SRRM3: variants seen among roughly 807,000 people sequenced by gnomAD.
The protein encoded by SRRM3 is serine/arginine repetitive matrix 3, also known as serine/arginine repetitive matrix protein 3.
Under a neutral mutation model 66.2 loss-of-function variants are expected in SRRM3, and 27 were observed. The observed-to-expected ratio is 0.41, with a 90% CI of 0.30 to 0.56. SRRM3 has a LOEUF of 0.56. Among genes scored for constraint, SRRM3 ranks in the 20% least tolerant of loss-of-function variants. SRRM3 has a pLI of 0.32. For missense variants in SRRM3, 918 were observed against 991.9 expected, an observed-to-expected ratio of 0.93 and a Z score of 1.00; for synonymous variants, 391 against 414.9, an observed-to-expected ratio of 0.94 and a Z score of 0.70.
At chr7:76,267,461 G>T in intron 11 of SRRM3, 26 bp downstream of exon 11, 1 of 1,326,742 alleles carries the variant, frequency 7.5e-7, no homozygotes, top group Non-Finnish European at 9.6e-7. Context: ...TTTGCGGAGG[G>T]TTCCCGCGCC....
chr7:76,249,669 G>A (rs969665383), intron 3 of SRRM3, among the ~76,000 whole-genome samples: 7 of 152,202 alleles, frequency 4.6e-5, no homozygotes, highest in South Asian at 2.1e-4. Flanking sequence ...CTCAGGGAGC[G>A]TTGCTGAATC....
At chr7:76,257,651 T>G (rs1384809320) in intron 3 of SRRM3, among the ~76,000 whole-genome samples, 2 of 151,698 alleles carry the variant, frequency 1.3e-5, no homozygotes, top group African/African-American at 4.8e-5. Context: ...TGTGCTCCTG[T>G]AGTCCCAGCT....
intron 14 of SRRM3, among the ~76,000 whole-genome samples, chr7:76,284,938 A>G (rs2117126947): frequency 6.6e-6 from 1 of 152,308 alleles, no homozygotes; most frequent in South Asian, 2.1e-4. Flanking sequence ...AGTGACCTGA[A>G]AGCAACAAAT....
chr7:76,272,545 G>A (rs1364594255), intron 11 of SRRM3, among the ~76,000 whole-genome samples: 10 of 152,186 alleles, frequency 6.6e-5, no homozygotes, highest in South Asian at 2.1e-4. Context: ...CCAGCTACTC[G>A]GGAGGCTGAG....
intron 3 of SRRM3, among the ~76,000 whole-genome samples, chr7:76,256,994 G>C (rs569400202): frequency 6.6e-6 from 1 of 152,172 alleles, no homozygotes; most frequent in Non-Finnish European, 1.5e-5. Context: ...ACAGGCGTGA[G>C]CCACCCGCCA....
chr7:76,261,470 C>T, intron 7 of SRRM3, 56 bp downstream of exon 7: 2 of 1,598,894 alleles, frequency 1.3e-6, no homozygotes, highest in Non-Finnish European at 8.5e-7. Context: ...GGCCCAGGGC[C>T]AGGGCTGTGG....
At chr7:76,238,016 T>C (rs1443216850) in intron 2 of SRRM3, among the ~76,000 whole-genome samples, 2 of 151,846 alleles carry the variant, frequency 1.3e-5, no homozygotes, top group Non-Finnish European at 2.9e-5. Context: ...AAGCTCTCAC[T>C]TGAGGTGGTC....
intron 8 of SRRM3, among the ~76,000 whole-genome samples, chr7:76,263,875 G>GCCAAA (rs1243393227): frequency 0.017 from 444 of 26,738 alleles, 40 homozygotes; most frequent in African/African-American, 0.03. Flanking sequence ...TCTGTCTCAA[G>GCCAAA]ACAAAAAAAA....
At chr7:76,257,002 C>T (rs2117047956) in intron 3 of SRRM3, among the ~76,000 whole-genome samples, 1 of 152,204 alleles carries the variant, frequency 6.6e-6, no homozygotes, top group African/African-American at 2.4e-5. Flanking sequence ...GAGCCACCCG[C>T]CAGGCCCTTG....
intron 14 of SRRM3, 115 bp downstream of exon 14, chr7:76,283,216 G>A: frequency 1.8e-6 from 2 of 1,125,024 alleles, no homozygotes; most frequent in Non-Finnish European, 2.3e-6. Flanking sequence ...CTGGCACGGG[G>A]ATGGGGGGGG....
intron 1 of SRRM3, among the ~76,000 whole-genome samples, chr7:76,221,360 T>C (rs868911824): frequency 5.6e-4 from 40 of 71,558 alleles, no homozygotes; most frequent in Admixed American, 2.6e-3. Flanking sequence ...TGCCCTCCTC[T>C]TTTTTTTTTT....
chr7:76,207,256 T>A (rs1049657644), intron 1 of SRRM3, among the ~76,000 whole-genome samples: 1 of 151,670 alleles, frequency 6.6e-6, no homozygotes, highest in Non-Finnish European at 1.5e-5. Flanking sequence ...GAACTATAAT[T>A]GCACAACTAC....
chr7:76,215,482 G>A (rs10952868), intron 1 of SRRM3, among the ~76,000 whole-genome samples: 40,500 of 144,564 alleles, frequency 0.28, 7,029 homozygotes, highest in Non-Finnish European at 0.39. Flanking sequence ...GCTTACTACA[G>A]CCTCAACCTT....
intron 14 of SRRM3, among the ~76,000 whole-genome samples, 157 bp downstream of exon 14, chr7:76,283,258 G>A (rs868984852): frequency 5.3e-5 from 8 of 151,992 alleles, no homozygotes; most frequent in African/African-American, 1.9e-4. Flanking sequence ...GTTCTGCCAG[G>A]GTAGGGGGCC....
In SRRM3 at chr7:76,282,810, C is replaced by A; in HGVS notation, c.1533C>A (p.Arg511=). The A allele has an allele frequency of 6.8e-7, 1 of 1,466,078 alleles. No individual in the cohort carries two copies. The highest frequency in any genetic ancestry group is 2.4e-5 in the Admixed American group (1 of 41,310). 90.8% of individuals were successfully genotyped at this position (1,466,078 alleles called of 1,614,324 possible). Residue 511 remains arginine (R), a synonymous_variant, in exon 13 of 15, where the codon CGC becomes CGA. Coordinates refer to ENST00000611745, the MANE Select transcript of SRRM3 (RefSeq NM_001110199.3). ...GCTCGCCCTCCAAATCTCGCTCGCG[C>A]TCTGCGGAGAAGCGGCCCCACAGCC... ...SSRSPSKSRS[R]SAEKRPHSPS... is the part of the protein sequence containing the mutation.
intron 14 of SRRM3, among the ~76,000 whole-genome samples, chr7:76,284,230 A>G (rs60311784): frequency 0.013 from 1,952 of 149,608 alleles, 43 homozygotes; most frequent in African/African-American, 0.046. Flanking sequence ...GCTGGAGTGC[A>G]ATGGTGCAAT....
rs1318025405 is a variant in SRRM3 at position 76,235,399 on chromosome 7, G to T, written c.233+100G>T. The T allele has an allele frequency of 1.0e-5, 11 of 1,086,526 alleles. No homozygotes were observed. The South Asian group carries it at 1.5e-4, about 15-fold the overall frequency. 67.3% of individuals were successfully genotyped at this position (1,086,526 alleles called of 1,614,324 possible). On this transcript the variant is annotated intron_variant, in intron 2 of 14. Coordinates refer to ENST00000611745, the MANE Select transcript of SRRM3 (RefSeq NM_001110199.3). ...CGTGGGCGTGGCGAACGTCGTGGGCGGGGAGAAGGGCGGGGCTAGGGGCTA... is the reference window on the plus strand; with the variant it reads ...CGTGGGCGTGGCGAACGTCGTGGGCTGGGAGAAGGGCGGGGCTAGGGGCTA...
At position 76,285,759 on chromosome 7, in the gene SRRM3, G is replaced by A; in HGVS notation, c.1878G>A (p.Gly626=). The A allele has an allele frequency of 1.3e-6, 2 of 1,550,856 alleles. No individual in the cohort carries two copies. Among genetic ancestry groups the A allele is most frequent in the South Asian group, 2.4e-5 (2 of 84,030 alleles). The change falls in exon 15 of 15, where the codon GGG becomes GGA. Residue 626 remains glycine, a synonymous_variant. Transcript: ENST00000611745. This position sits in a 1 kb window ranked among gnomAD's most constrained non-coding sequence, Gnocchi z 4.1. The stretch of plus-strand genomic sequence containing the variant: ...GGAGCTACAGCAGTCGCAGCCATGG[G>A]ACCCGCAGCCGGACACGCAGCCCCT... ...SHGSYSSRSH[G]TRSRTRSPSR...
At chr7:76,210,639 G>C (rs990572877) in intron 1 of SRRM3, among the ~76,000 whole-genome samples, 10 of 152,122 alleles carry the variant, frequency 6.6e-5, no homozygotes, top group African/African-American at 2.4e-4. Context: ...TACTTGGGAG[G>C]CTGGGACATG....
Sources: gnomAD v4.1 joint callset for allele counts (sites outside exome capture counted in the v4.1 genomes callset) on GRCh38, gnomAD v4.1.1 for gene constraint, Gnocchi (gnomAD v3.1) non-coding constraint, MANE v1.5 for transcripts, NCBI Gene and HGNC (gene_info 2026-07-23, HGNC 2026-07-21) for gene names.